The following TCF4 variants were observed in gnomAD, a reference collection of about 807,000 sequenced individuals.
TCF4 encodes transcription factor 4, also known as SL3-3 enhancer factor 2.
In TCF4, 3 loss-of-function variants were observed where a neutral mutation model predicts 82.1. That is an observed-to-expected ratio of 0.04 (90% CI 0.02 to 0.09). The LOEUF is 0.09. Among genes scored for constraint, TCF4 ranks in the 10% least tolerant of loss-of-function variants. The pLI is 1.00. For missense variants in TCF4, 518 were observed against 852.7 expected (o/e 0.61, Z 4.89); for synonymous variants, 276 against 309.6 (o/e 0.89, Z 1.14).
intron 2 of TCF4, among the ~76,000 whole-genome samples, chr18:55,624,826 G>C (rs1045616192): frequency 6.6e-6 from 1 of 152,136 alleles, no homozygotes; most frequent in Admixed American, 6.5e-5. Context: ...GTCAGGTATA[G>C]TAGGTATTAA....
chr18:55,612,441 T>C (rs1043074226), intron 2 of TCF4, among the ~76,000 whole-genome samples: 1 of 152,204 alleles, frequency 6.6e-6, no homozygotes, highest in Admixed American at 6.5e-5. Flanking sequence ...CAAAGTAATA[T>C]GTTGAGCCTC....
At chr18:55,572,302 A>G (rs1165489950) in intron 3 of TCF4, among the ~76,000 whole-genome samples, 3 of 152,246 alleles carry the variant, frequency 2.0e-5, no homozygotes, top group Non-Finnish European at 2.9e-5. Context: ...CTGTTCTTCA[A>G]CTTCAACAGA....
rs568471595 is a variant in TCF4, at chr18:55,620,206, A to G, written c.286+11092T>C. Among the ~76,000 whole-genome samples, 11 of 152,194 alleles carry G rather than the reference A, an allele frequency of 7.2e-5. No homozygotes were observed. The East Asian group carries it at 2.1e-3, about 29-fold the overall frequency. ...CCATGCTGAACTATGAGTCAATTAAACTTCTTTCCTTTATAAGTCACCCAG... is the reference window on the plus strand; with the variant it reads ...CCATGCTGAACTATGAGTCAATTAAGCTTCTTTCCTTTATAAGTCACCCAG... On this transcript the variant is annotated intron_variant, in intron 2 of 20. Coordinates refer to the TCF4 transcript ENST00000398339.
In TCF4 at chr18:55,542,340, A is replaced by T. The variant is rs628150; in HGVS notation, c.145+42940T>A. ...ATTTTCTTGACTCATTTAAACACAGATCTTCATATGGCAAGGGGGTTGGAG... is the reference window on the plus strand; with the variant it reads ...ATTTTCTTGACTCATTTAAACACAGTTCTTCATATGGCAAGGGGGTTGGAG... On this transcript the variant is annotated intron_variant, in intron 3 of 19. Coordinates refer to ENST00000354452, the MANE Select transcript of TCF4 (RefSeq NM_001083962.2). Among the ~76,000 whole-genome samples the T allele has an allele frequency of 4.0e-3, 613 of 152,074 alleles. 5 individuals carry two copies. Among genetic ancestry groups the T allele is most frequent in the African/African-American group, 0.014 (595 of 41,540 alleles).
intron 3 of TCF4, among the ~76,000 whole-genome samples, chr18:55,539,049 A>T (rs1476498315): frequency 1.4e-5 from 2 of 145,130 alleles, no homozygotes; most frequent in Non-Finnish European, 3.0e-5. Flanking sequence ...CACTCCATTT[A>T]AAAAAAAAAA....
At chr18:55,576,276 T>C (rs2147670081) in intron 3 of TCF4, among the ~76,000 whole-genome samples, 1 of 152,282 alleles carries the variant, frequency 6.6e-6, no homozygotes, top group South Asian at 2.1e-4. Flanking sequence ...CAAGAAAGTT[T>C]CCACTGCTGA....
At chr18:55,292,093 T>TA (rs1395265317) in intron 8 of TCF4, among the ~76,000 whole-genome samples, 1 of 152,186 alleles carries the variant, frequency 6.6e-6, no homozygotes, top group Admixed American at 6.5e-5. Context: ...CAGGCATATT[T>TA]AAAATATAAT....
chr18:55,391,159 T>C (rs1246909774), intron 6 of TCF4, among the ~76,000 whole-genome samples: 1 of 152,248 alleles, frequency 6.6e-6, no homozygotes, highest in Non-Finnish European at 1.5e-5. Context: ...CCAGTCACTC[T>C]ACACATGACA....
At chr18:55,293,550 G>T (rs1315308850) in intron 8 of TCF4, among the ~76,000 whole-genome samples, 1 of 152,088 alleles carries the variant, frequency 6.6e-6, no homozygotes, top group East Asian at 1.9e-4. Flanking sequence ...TTCTAGATTT[G>T]GTTCTATCGT....
chr18:55,423,070 T>C (rs769228944), intron 5 of TCF4, among the ~76,000 whole-genome samples: 2 of 151,282 alleles, frequency 1.3e-5, no homozygotes, highest in Non-Finnish European at 2.9e-5. Context: ...GGCCGGACTT[T>C]GGGGGAAGTT....
chr18:55,428,229 AGC>A (rs1382244535), intron 5 of TCF4, among the ~76,000 whole-genome samples: 1 of 152,212 alleles, frequency 6.6e-6, no homozygotes, highest in Admixed American at 6.5e-5. Context: ...AACTATGCTT[AGC>A]ATAGCTTCTA....
intron 3 of TCF4, among the ~76,000 whole-genome samples, chr18:55,530,627 A>G (rs1204471139): frequency 1.3e-5 from 2 of 151,984 alleles, no homozygotes; most frequent in Non-Finnish European, 2.9e-5. Flanking sequence ...AGTTTTTTTG[A>G]AAGTTGCAAA....
Position 55,234,561 on chromosome 18 carries a change from C to G in TCF4, c.1473G>C (p.Gln491His). ...SATSPDLNPP[Q>H]DPYRGMPPGL... ...AGGCCAACCTACCTCTGTAAGGGTC[C>G]TGGGGTGGGTTCAGGTCAGGGGAAG... The change falls in exon 16 of 20, where the codon CAG (glutamine) becomes CAC (histidine). Residue 491 changes from glutamine (Q) to histidine (H), a missense_variant. Physicochemically the swap from Gln to His is conservative, Grantham distance 24 (BLOSUM62 0). Transcript: ENST00000354452. The G allele has an allele frequency of 5.6e-6, 9 of 1,614,056 alleles. No homozygotes were observed. The highest frequency in any genetic ancestry group is 6.8e-6 in the Non-Finnish European group (8 of 1,180,014).
intron 3 of TCF4, among the ~76,000 whole-genome samples, chr18:55,560,337 A>G (rs1229205719): frequency 1.3e-5 from 2 of 152,240 alleles, no homozygotes; most frequent in Non-Finnish European, 2.9e-5. Flanking sequence ...CCGACTTTTC[A>G]TAATTCTAAT....
chr18:55,348,202 T>C (rs1349489780), intron 8 of TCF4, among the ~76,000 whole-genome samples: 2 of 152,198 alleles, frequency 1.3e-5, no homozygotes, highest in Non-Finnish European at 2.9e-5. Flanking sequence ...CTAAGTTAAA[T>C]TGCTATGAAA....
intron 15 of TCF4, among the ~76,000 whole-genome samples, chr18:55,242,844 G>A (rs928276179): frequency 6.6e-6 from 1 of 152,164 alleles, no homozygotes; most frequent in Non-Finnish European, 1.5e-5. Context: ...TCCTGAACTT[G>A]TGATCCTCCC....
At chr18:55,510,370 T>C (rs1202063463) in intron 3 of TCF4, among the ~76,000 whole-genome samples, 1 of 152,208 alleles carries the variant, frequency 6.6e-6, no homozygotes, top group Admixed American at 6.5e-5. Flanking sequence ...ATGTTTATAA[T>C]ATTCCACATT....
intron 15 of TCF4, among the ~76,000 whole-genome samples, chr18:55,239,604 C>G (rs746929901): frequency 1.4e-4 from 22 of 152,074 alleles, no homozygotes; most frequent in Non-Finnish European, 2.6e-4. Context: ...TTTCCTTTTT[C>G]TTTATTGCAG....
intron 6 of TCF4, among the ~76,000 whole-genome samples, chr18:55,369,755 T>G (rs1248951245): frequency 6.6e-6 from 1 of 152,238 alleles, no homozygotes; most frequent in Non-Finnish European, 1.5e-5. Flanking sequence ...TAAGCTGACA[T>G]AAATAAAAAT....
Sources: allele counts gnomAD v4.1 joint callset (sites outside exome capture counted in the v4.1 genomes callset), GRCh38; gene constraint gnomAD v4.1.1; transcripts MANE v1.5; gene names NCBI Gene and HGNC (gene_info 2026-07-23, HGNC 2026-07-21).